TMEM108: variants seen among roughly 807,000 people sequenced by gnomAD.
TMEM108 encodes transmembrane protein 108.
TMEM108 carries 12 observed loss-of-function variants against 35.1 expected under a neutral mutation model. The ratio of observed to expected loss-of-function variants is 0.34; its 90% CI spans 0.22 to 0.55. The LOEUF (loss-of-function observed/expected upper bound fraction) is 0.55, where lower values mean the gene tolerates loss of function less well. Among genes scored for constraint, TMEM108 ranks in the 20% least tolerant of loss-of-function variants. The pLI, the probability that TMEM108 is intolerant of heterozygous loss-of-function variation, is 0.89. For synonymous variants in TMEM108, 287 were observed against 308.6 expected, an observed-to-expected ratio of 0.93 and a Z score of 0.73; for missense variants, 680 against 753.3, an observed-to-expected ratio of 0.90 and a Z score of 1.14.
chr3:133,347,968 T>G (rs1313456177), intron 3 of TMEM108, among the ~76,000 whole-genome samples: 1 of 152,078 alleles, frequency 6.6e-6, no homozygotes, highest in Admixed American at 6.6e-5. Context: ...ATTGCCCAAA[T>G]TAGTTATAAT....
At chr3:133,180,610 G>C (rs1576366485) in intron 2 of TMEM108, among the ~76,000 whole-genome samples, 1 of 152,038 alleles carries the variant, frequency 6.6e-6, no homozygotes, top group Non-Finnish European at 1.5e-5. Flanking sequence ...TTTAATATGT[G>C]TTTAAATGAA....
intron 2 of TMEM108, among the ~76,000 whole-genome samples, chr3:133,190,875 T>A (rs910889637): frequency 2.0e-5 from 3 of 152,176 alleles, no homozygotes; most frequent in Non-Finnish European, 4.4e-5. Flanking sequence ...TACGGGATGT[T>A]ACTGGAGGTA....
chr3:133,214,002 G>C (rs1158891377), intron 2 of TMEM108, among the ~76,000 whole-genome samples: 2 of 152,112 alleles, frequency 1.3e-5, no homozygotes, highest in Non-Finnish European at 2.9e-5. Flanking sequence ...AAAAGCCTTT[G>C]GGTCATTTCT....
intron 2 of TMEM108, among the ~76,000 whole-genome samples, chr3:133,080,581 A>G (rs1553730927): frequency 6.6e-6 from 1 of 152,174 alleles, no homozygotes; most frequent in Non-Finnish European, 1.5e-5. Flanking sequence ...ATGATCCTAT[A>G]TACCTTTCCA....
In TMEM108 at chr3:133,352,435, C is replaced by T. The variant is rs562503583; in HGVS notation, c.41-27317C>T. On this transcript the variant is annotated intron_variant, in intron 3 of 5. Transcript: ENST00000321871. ...CAATTTAACTCAATTTTTATACTGTCTACCTGGCAATAGCATGAGATCCCA... is the reference window on the plus strand; with the variant it reads ...CAATTTAACTCAATTTTTATACTGTTTACCTGGCAATAGCATGAGATCCCA... Among the ~76,000 whole-genome samples, 215 of 152,296 alleles carry T rather than the reference C, an allele frequency of 1.4e-3. 2 individuals are homozygous for T. The highest frequency in any genetic ancestry group is 2.4e-3 in the Non-Finnish European group (162 of 68,016).
At chr3:133,291,069 G>A (rs1374581359) in intron 3 of TMEM108, among the ~76,000 whole-genome samples, 3 of 152,044 alleles carry the variant, frequency 2.0e-5, no homozygotes, top group Non-Finnish European at 4.4e-5. Context: ...GGGAGCAAAG[G>A]GCCATAAGGA....
intron 2 of TMEM108, among the ~76,000 whole-genome samples, chr3:133,081,810 A>T (rs1320768244): frequency 6.6e-6 from 1 of 152,208 alleles, no homozygotes; most frequent in Non-Finnish European, 1.5e-5. Context: ...CAAGTGAGAC[A>T]CATGAAAAAG....
chr3:133,225,239 G>A (rs908313025), intron 2 of TMEM108, among the ~76,000 whole-genome samples: 1 of 151,874 alleles, frequency 6.6e-6, no homozygotes, highest in Non-Finnish European at 1.5e-5. Flanking sequence ...GTAGAGAGAG[G>A]GTTTCATCGT....
chr3:133,192,034 C>A (rs1056028270), intron 2 of TMEM108, among the ~76,000 whole-genome samples: 11 of 152,130 alleles, frequency 7.2e-5, no homozygotes, highest in African/African-American at 2.7e-4. Context: ...CCCACTCTGT[C>A]CCAAAATAGC....
chr3:133,356,319 C>T (rs2072167503), intron 3 of TMEM108, among the ~76,000 whole-genome samples: 1 of 151,970 alleles, frequency 6.6e-6, no homozygotes, highest in Non-Finnish European at 1.5e-5. Flanking sequence ...AAAGAAATGA[C>T]ACATAACACA....
In TMEM108 at chr3:133,349,177, T is replaced by TTC. The variant is rs1553765516; in HGVS notation, c.41-30575_41-30574insTC. ...AGGAATACAAATATAATACTATTTTTCCCCTTTAAGTTGACCAAAACTGAG... is the reference window on the plus strand; with the variant it reads ...AGGAATACAAATATAATACTATTTTTTCCCCCTTTAAGTTGACCAAAACTGAG... On this transcript the variant is annotated intron_variant, in intron 3 of 5. Coordinates refer to ENST00000321871, the MANE Select transcript of TMEM108 (RefSeq NM_023943.4). Among the ~76,000 whole-genome samples, 173 of 152,274 alleles carry TTC rather than the reference T, an allele frequency of 1.1e-3. 1 individual carries two copies. Among genetic ancestry groups the TTC allele is most frequent in the Non-Finnish European group, 9.4e-4 (64 of 68,000 alleles).
Position 133,380,763 on chromosome 3 carries a change from G to A in TMEM108, c.1052G>A (p.Gly351Glu). 1 of 1,614,104 alleles carries A rather than the reference G, an allele frequency of 6.2e-7. No individual in the cohort carries two copies. The highest frequency in any genetic ancestry group is 1.1e-5 in the South Asian group (1 of 91,080). Residue 351 changes from glycine to glutamate, a missense_variant, in exon 4 of 6, where the codon GGG (glycine) becomes GAG (glutamate). Physicochemically the swap from Gly to Glu is moderately conservative, Grantham distance 98 (BLOSUM62 -2). This residue lies in a region of TMEM108 where 526 missense variants were observed against 532.1 expected (regional missense o/e 0.99). Transcript: ENST00000321871. The surrounding 1 kb of genome is among the most constrained non-coding windows in gnomAD (Gnocchi z 5.3). ...GTSRPLSTSS[G>E]VFTAATGPTP... The stretch of plus-strand genomic sequence containing the variant: ...AGCAGACCTCTGTCTACCAGCTCTG[G>A]GGTCTTCACGGCTGCCACGGGGCCC...
intron 2 of TMEM108, among the ~76,000 whole-genome samples, chr3:133,222,450 T>A (rs865876651): frequency 3.3e-5 from 5 of 152,114 alleles, no homozygotes; most frequent in African/African-American, 9.6e-5. Flanking sequence ...TTGAAAACTT[T>A]TCTATTATTT....
At chr3:133,282,827 T>A (rs1331300917) in intron 3 of TMEM108, among the ~76,000 whole-genome samples, 2 of 152,208 alleles carry the variant, frequency 1.3e-5, no homozygotes, top group Admixed American at 6.5e-5. Flanking sequence ...AAAGAAATTA[T>A]TTGATTTTAA....
intron 2 of TMEM108, among the ~76,000 whole-genome samples, chr3:133,175,781 C>A (rs1945210210): frequency 3.9e-5 from 6 of 152,010 alleles, no homozygotes; most frequent in Admixed American, 3.9e-4. Flanking sequence ...GCAAAATAAC[C>A]AACTAACATC....
intron 2 of TMEM108, among the ~76,000 whole-genome samples, chr3:133,063,115 T>G (rs78058180): frequency 2.6e-5 from 4 of 152,114 alleles, no homozygotes; most frequent in Admixed American, 1.3e-4. Flanking sequence ...ACAGGAGATG[T>G]TGGTGGTGGG....
chr3:133,166,159 A>T (rs189263554), intron 2 of TMEM108, among the ~76,000 whole-genome samples: 1 of 152,128 alleles, frequency 6.6e-6, no homozygotes, highest in Non-Finnish European at 1.5e-5. Flanking sequence ...AAAAATAAAA[A>T]CCTTGTGACA....
Position 133,390,310 on chromosome 3 carries a change from G to A in TMEM108, c.1581G>A (p.Glu527=). Residue 527 remains glutamate, a synonymous_variant, in exon 5 of 6, where the codon GAG becomes GAA. Transcript: ENST00000321871. ...FNRHAVELPR[E]IQSLETSEDQ... ...GGCATGCTGTGGAGCTGCCCAGGGAGATCCAGTCCCTTGAAACCTCTGAGG... is the reference window on the plus strand; with the variant it reads ...GGCATGCTGTGGAGCTGCCCAGGGAAATCCAGTCCCTTGAAACCTCTGAGG... 6.2e-7 allele frequency: 1 copy of A among 1,614,210 alleles called. No homozygotes were observed. Among genetic ancestry groups the A allele is most frequent in the Non-Finnish European group, 8.5e-7 (1 of 1,180,040 alleles).
intron 2 of TMEM108, among the ~76,000 whole-genome samples, chr3:133,085,982 C>A (rs1943877184): frequency 6.6e-6 from 1 of 152,108 alleles, no homozygotes; most frequent in African/African-American, 2.4e-5. Context: ...CTAATTTCAT[C>A]TTTTCTCTTG....
Sources: allele counts gnomAD v4.1 joint callset (sites outside exome capture counted in the v4.1 genomes callset), GRCh38; gene constraint gnomAD v4.1.1; regional missense constraint gnomAD v4.1.1; non-coding constraint Gnocchi (gnomAD v3.1); transcripts MANE v1.5; gene names NCBI Gene and HGNC (gene_info 2026-07-23, HGNC 2026-07-21).